The following LIMCH1 variants were observed in gnomAD, a reference collection of about 807,000 sequenced individuals.
LIMCH1 encodes LIM and calponin homology domains 1, also known as LIM and calponin homology domains-containing protein 1.
In LIMCH1, 113 loss-of-function variants were observed where a neutral mutation model predicts 176.5. The observed-to-expected ratio is 0.64, with a 90% CI of 0.55 to 0.75. LIMCH1 has a LOEUF of 0.75. Ranked by LOEUF, LIMCH1 falls within the 30% of genes least tolerant of loss-of-function variation. LIMCH1 has a pLI of 0.00. For synonymous variants in LIMCH1, 619 were observed against 645.9 expected, an observed-to-expected ratio of 0.96 and a Z score of 0.63; for missense variants, 1,674 against 1,814.9, an observed-to-expected ratio of 0.92 and a Z score of 1.41.
chr4:41,663,852 TAAAA>T (rs34659309), intron 20 of LIMCH1, among the ~76,000 whole-genome samples: 6 of 82,760 alleles, frequency 7.2e-5, no homozygotes, highest in Admixed American at 1.4e-4. Flanking sequence ...TCTTCATCTC[TAAAA>T]AAAAAAAAAA....
intron 1 of LIMCH1, among the ~76,000 whole-genome samples, chr4:41,550,921 C>T (rs758411108): frequency 5.9e-5 from 9 of 152,086 alleles, no homozygotes; most frequent in South Asian, 2.1e-4. Flanking sequence ...TCTGAGTTTC[C>T]GGGCAGCCAC....
intron 1 of LIMCH1, among the ~76,000 whole-genome samples, chr4:41,404,191 T>A (rs1330771630): frequency 6.6e-6 from 1 of 152,130 alleles, no homozygotes; most frequent in Non-Finnish European, 1.5e-5. Flanking sequence ...GACAGAGACT[T>A]CCTTCACCAT....
intron 1 of LIMCH1, among the ~76,000 whole-genome samples, chr4:41,467,158 TACAC>T (rs148147336): frequency 0.025 from 3,545 of 143,438 alleles, 78 homozygotes; most frequent in East Asian, 0.084. Flanking sequence ...TATGTATATA[TACAC>T]ACACACACAC....
chr4:41,393,968 G>A (rs750690499), intron 1 of LIMCH1, among the ~76,000 whole-genome samples: 3 of 152,232 alleles, frequency 2.0e-5, no homozygotes, highest in Non-Finnish European at 2.9e-5. Context: ...AAATAACAAC[G>A]GTTTGGGAAT....
intron 1 of LIMCH1, among the ~76,000 whole-genome samples, chr4:41,590,163 G>A (rs1242504004): frequency 6.6e-6 from 1 of 152,046 alleles, no homozygotes; most frequent in East Asian, 1.9e-4. Context: ...CACAATCACG[G>A]CTCACTTCAA....
intron 1 of LIMCH1, among the ~76,000 whole-genome samples, chr4:41,486,737 G>T (rs1319621537): frequency 6.6e-6 from 1 of 152,032 alleles, no homozygotes; most frequent in Admixed American, 6.6e-5. Context: ...AGTTCTTAGA[G>T]GGGATGGGAG....
At chr4:41,600,034 A>G (rs1156723882) in intron 2 of LIMCH1, among the ~76,000 whole-genome samples, 3 of 152,068 alleles carry the variant, frequency 2.0e-5, no homozygotes, top group Admixed American at 6.6e-5. Context: ...GAAAAATAGG[A>G]AAAAAATGAG....
chr4:41,479,983 G>A (rs1258057583), intron 1 of LIMCH1, among the ~76,000 whole-genome samples: 2 of 151,988 alleles, frequency 1.3e-5, no homozygotes, highest in Non-Finnish European at 2.9e-5. Context: ...AACAAAAATT[G>A]CAACCACCTG....
chr4:41,629,705 G>A lies in LIMCH1; in HGVS notation c.1242G>A (p.Trp414Ter). Residue 414 changes from tryptophan to a stop codon, truncating the protein, a stop_gained, in exon 9 of 32, where the codon TGG (tryptophan) becomes TGA (stop). Coordinates refer to ENST00000503057, the MANE Select transcript of LIMCH1 (RefSeq NM_001330672.2). LOFTEE classifies it high-confidence loss of function. ...TAACAGAAGCTGACTTGGAGACGTG[G>A]GAGAGACTCAAAGTGTCAGAAAAGG... Reference protein sequence around the residue: ...SNITEADLETWERLKVSEKAR... With the variant: ...SNITEADLET 6.5e-7 allele frequency: 1 copy of A among 1,536,044 alleles called. No individual in the cohort carries two copies.
intron 2 of LIMCH1, chr4:41,494,673 T>C: frequency 3.0e-6 from 3 of 999,794 alleles, no homozygotes; most frequent in Non-Finnish European, 3.0e-6. Context: ...AGTTTGGCTG[T>C]AAGACTTCTA....
At chr4:41,681,612 C>G (rs1009864858) in intron 25 of LIMCH1, among the ~76,000 whole-genome samples, 1 of 152,020 alleles carries the variant, frequency 6.6e-6, no homozygotes, top group African/African-American at 2.4e-5. Flanking sequence ...CTGCAGTGAA[C>G]GTGATCTTGC....
intron 3 of LIMCH1, among the ~76,000 whole-genome samples, chr4:41,525,381 C>T (rs1208253119): frequency 6.6e-6 from 1 of 152,174 alleles, no homozygotes; most frequent in African/African-American, 2.4e-5. Context: ...AAGCAGGATC[C>T]TACGTAGACC....
chr4:41,443,636 T>C (rs991810517), intron 1 of LIMCH1, among the ~76,000 whole-genome samples: 1 of 152,194 alleles, frequency 6.6e-6, no homozygotes, highest in Non-Finnish European at 1.5e-5. Context: ...ATCTGTTAAT[T>C]TACAGTATTT....
Position 41,463,578 on chromosome 4 carries a change from T to A in LIMCH1, c.97-30958T>A, listed in dbSNP as rs542702724. On this transcript the variant is annotated intron_variant, in intron 1 of 26. Transcript: ENST00000313860. Reference sequence around the variant, plus strand: ...TTCTCCCAATCCTTTTTTTTTTTTTTAACTTTTATTTTTTGAGACAGGGGT... The same window carrying A: ...TTCTCCCAATCCTTTTTTTTTTTTTAAACTTTTATTTTTTGAGACAGGGGT... 2.4e-4 allele frequency among the ~76,000 whole-genome samples: 37 copies of A among 151,296 alleles called. No homozygotes were observed. The South Asian group carries it at 7.5e-3, about 31-fold the overall frequency.
intron 2 of LIMCH1, among the ~76,000 whole-genome samples, chr4:41,522,850 T>A (rs747515500): frequency 3.3e-5 from 5 of 152,058 alleles, no homozygotes; most frequent in Non-Finnish European, 5.9e-5. Context: ...AACCAATAAG[T>A]CCAAAATAAG....
chr4:41,680,883 A>G (rs550050397), intron 24 of LIMCH1, 72 bp from the exon 25 acceptor site: 1 of 817,724 alleles, frequency 1.2e-6, no homozygotes, highest in Non-Finnish European at 2.0e-6. Flanking sequence ...AAAGTGCCTT[A>G]ATGACATTTT....
intron 2 of LIMCH1, among the ~76,000 whole-genome samples, chr4:41,511,011 T>C (rs1211755789): frequency 2.0e-5 from 3 of 152,208 alleles, no homozygotes; most frequent in African/African-American, 7.2e-5. Flanking sequence ...CTCTAGTGCT[T>C]GCCCTTCCTT....
intron 1 of LIMCH1, among the ~76,000 whole-genome samples, chr4:41,467,232 G>A (rs2066288277): frequency 1.3e-5 from 2 of 149,444 alleles, no homozygotes; most frequent in Non-Finnish European, 3.0e-5. Context: ...ATCCATCAAG[G>A]GACATTTGGG....
chr4:41,460,081 G>A (rs1353333083), intron 1 of LIMCH1, among the ~76,000 whole-genome samples: 1 of 152,232 alleles, frequency 6.6e-6, no homozygotes, highest in Non-Finnish European at 1.5e-5. Flanking sequence ...AGCAGAGAGG[G>A]GGTGTGGGCA....
Sources: allele counts gnomAD v4.1 joint callset (sites outside exome capture counted in the v4.1 genomes callset), GRCh38; gene constraint gnomAD v4.1.1; transcripts MANE v1.5; gene names NCBI Gene and HGNC (gene_info 2026-07-23, HGNC 2026-07-21).